Variants in DSC2 observed in about 807,000 individuals in gnomAD.
DSC2 encodes desmocollin-2.
DSC2 carries 51 observed loss-of-function variants against 87.6 expected under a neutral mutation model. The observed-to-expected ratio is 0.58, with a 90% CI of 0.46 to 0.74. The LOEUF is 0.74. Among genes scored for constraint, DSC2 ranks in the 30% least tolerant of loss-of-function variants. The pLI is 0.00. For missense variants in DSC2, 1,066 were observed against 1,089.5 expected (o/e 0.98, Z 0.30); for synonymous variants, 383 against 393.2 (o/e 0.97, Z 0.31).
rs139979318 is a variant in DSC2 at position 31,093,631 on chromosome 18, C to A, written c.82G>T (p.Ala28Ser). 2.0e-5 allele frequency: 31 copies of A among 1,583,336 alleles called. No homozygotes were observed. In the African/African-American group the frequency reaches 3.5e-4, roughly 18 times the overall value. ...GTCACATTTTTGCAGGCATCACTGGCAAATATTAAGATCTAAAAAATGAAA... is the reference window on the plus strand; with the variant it reads ...GTCACATTTTTGCAGGCATCACTGGAAAATATTAAGATCTAAAAAATGAAA... ...LLLTLAILIF[A>S]SDACKNVTLH... The change falls in exon 2 of 16, where the codon GCC becomes TCC. Residue 28 changes from alanine (A) to serine (S), a missense_variant. By Grantham distance (99) the Ala-to-Ser change is moderately conservative. Transcript: ENST00000280904.
intron 7 of DSC2, among the ~76,000 whole-genome samples, chr18:31,084,870 A>G (rs1361092049): frequency 6.6e-6 from 1 of 152,090 alleles, no homozygotes; most frequent in Non-Finnish European, 1.5e-5. Flanking sequence ...TATCAATGGA[A>G]GTAAAGAGGT....
intron 11 of DSC2, among the ~76,000 whole-genome samples, chr18:31,077,974 G>A (rs1019538610): frequency 6.6e-6 from 1 of 152,180 alleles, no homozygotes; most frequent in Non-Finnish European, 1.5e-5. Context: ...ATATGTTTAG[G>A]AGAGGGGAAG....
chr18:31,096,804 G>A (rs1379897124), intron 1 of DSC2, among the ~76,000 whole-genome samples: 4 of 152,090 alleles, frequency 2.6e-5, no homozygotes, highest in African/African-American at 7.2e-5. Context: ...GTCACTATAT[G>A]TAGTTTACAT....
At chr18:31,087,645 T>C in intron 6 of DSC2, 24 bp downstream of exon 6, 1 of 1,605,652 alleles carries the variant, frequency 6.2e-7, no homozygotes, top group Non-Finnish European at 8.5e-7. Context: ...TAATTTGCCA[T>C]ATATTGTTTA....
Position 31,070,725 on chromosome 18 carries a change from C to A in DSC2, c.2250+1G>T. 1 of 1,613,718 alleles carries A rather than the reference C, an allele frequency of 6.2e-7. No individual in the cohort carries two copies. Among genetic ancestry groups the A allele is most frequent in the Non-Finnish European group, 8.5e-7 (1 of 1,179,750 alleles). The stretch of plus-strand genomic sequence containing the variant: ...TTTATTTAAAAAGCCAGACTACTTA[C>A]CACTTTGTCATCTCCAGGAGCTTCT... On this transcript the variant is annotated splice_donor_variant, in intron 14 of 15. Coordinates refer to ENST00000280904, the MANE Select transcript of DSC2 (RefSeq NM_024422.6). LOFTEE classifies it high-confidence loss of function.
chr18:31,101,633 G>A (rs1987960383), intron 1 of DSC2: 3 of 442,244 alleles, frequency 6.8e-6, no homozygotes, highest in Non-Finnish European at 7.9e-6. Flanking sequence ...ATTTTGGCTG[G>A]GCGAAAGCGG....
intron 1 of DSC2, among the ~76,000 whole-genome samples, chr18:31,095,394 A>G (rs1031803745): frequency 6.6e-6 from 1 of 152,184 alleles, no homozygotes; most frequent in Non-Finnish European, 1.5e-5. Flanking sequence ...AAGAGAAGCA[A>G]CAGCCTGATG....
chr18:31,068,567 G>T (rs1206367861), intron 15 of DSC2, among the ~76,000 whole-genome samples: 1 of 152,142 alleles, frequency 6.6e-6, no homozygotes, highest in Non-Finnish European at 1.5e-5. Flanking sequence ...CATAGTGATA[G>T]TACATGCTGG....
intron 11 of DSC2, among the ~76,000 whole-genome samples, chr18:31,078,063 G>A (rs1442783161): frequency 6.6e-6 from 1 of 152,114 alleles, no homozygotes; most frequent in African/African-American, 2.4e-5. Flanking sequence ...TTTAAAAAGA[G>A]GAAGCAATTG....
intron 3 of DSC2, among the ~76,000 whole-genome samples, chr18:31,091,846 G>T (rs997537901): frequency 3.3e-5 from 5 of 152,002 alleles, no homozygotes; most frequent in African/African-American, 1.2e-4. Flanking sequence ...ATGCTGCTTT[G>T]TGTCTAATCT....
At chr18:31,069,977 C>A (rs1286594844) in intron 14 of DSC2, among the ~76,000 whole-genome samples, 1 of 151,982 alleles carries the variant, frequency 6.6e-6, no homozygotes, top group Non-Finnish European at 1.5e-5. Flanking sequence ...AACATTAAAC[C>A]CTTGCCATCT....
chr18:31,066,914 G>T lies in DSC2; in HGVS notation c.*1101C>A, dbSNP rs1375778533. ...CTTCACATTTTTAAACTGCATCCTT[G>T]CATTACAGAACTGTAAATGTGTTGT... On this transcript the variant is annotated 3_prime_UTR_variant, in exon 16 of 16. Coordinates refer to ENST00000280904, the MANE Select transcript of DSC2 (RefSeq NM_024422.6). 1.3e-5 allele frequency: 2 copies of T among 151,964 alleles called. No homozygotes were observed. The highest frequency in any genetic ancestry group is 4.8e-5 in the African/African-American group (2 of 41,382). The allele number at this position is 151,964 out of a possible 1,614,324, so 9.4% of individuals were successfully genotyped here. A position where few individuals can be genotyped will look rare whatever the true frequency, so the allele number is the denominator to read the frequency against.
intron 6 of DSC2, 76 bp downstream of exon 6, chr18:31,087,593 C>T: frequency 6.6e-7 from 1 of 1,516,132 alleles, no homozygotes; most frequent in South Asian, 1.1e-5. Flanking sequence ...CGCTGCTTCT[C>T]AACGGACATA....
rs1305923859 is a variant in DSC2, at chr18:31,067,153, C to T, written c.*862G>A. The T allele has an allele frequency of 1.3e-5, 2 of 149,068 alleles. No homozygotes were observed. Among genetic ancestry groups the T allele is most frequent in the Admixed American group, 1.3e-4 (2 of 14,888 alleles). The allele number at this position is 149,068 out of a possible 1,614,324, so 9.2% of individuals were successfully genotyped here. A position where few individuals can be genotyped will look rare whatever the true frequency, so the allele number is the denominator to read the frequency against. On this transcript the variant is annotated 3_prime_UTR_variant, in exon 16 of 16. Coordinates refer to ENST00000280904, the MANE Select transcript of DSC2 (RefSeq NM_024422.6). ...TCAAGAAAAACTAAGAATATATACACTTACATAAAACAAAAAAAAGGAATA... is the reference window on the plus strand; with the variant it reads ...TCAAGAAAAACTAAGAATATATACATTTACATAAAACAAAAAAAAGGAATA...
intron 2 of DSC2, among the ~76,000 whole-genome samples, chr18:31,092,910 T>C (rs1987648556): frequency 6.6e-6 from 1 of 152,218 alleles, no homozygotes; most frequent in African/African-American, 2.4e-5. Context: ...GTCTTTATCT[T>C]TTCTCTAAAG....
intron 7 of DSC2, among the ~76,000 whole-genome samples, chr18:31,085,402 G>GT: frequency 1.3e-5 from 2 of 151,826 alleles, no homozygotes; most frequent in Middle Eastern, 6.8e-3. Context: ...AAGAAAAAGT[G>GT]TAACAATTTT....
chr18:31,099,158 A>AT (rs1283957293), intron 1 of DSC2, among the ~76,000 whole-genome samples: 1 of 152,232 alleles, frequency 6.6e-6, no homozygotes, highest in African/African-American at 2.4e-5. Context: ...AGTAATATTA[A>AT]TTTAGTATAT....
rs900599003 is a variant in DSC2 at position 31,059,776 on chromosome 18, T to A, written c.*8239A>T. On this transcript the variant is annotated 3_prime_UTR_variant, in exon 16 of 16. Coordinates refer to ENST00000280904, the MANE Select transcript of DSC2 (RefSeq NM_024422.6). ...ATAATTTGGAAACCTATCCTAGTTT[T>A]AAAATACTACTATAGTTTATGTCTT... 1.3e-5 allele frequency: 2 copies of A among 152,228 alleles called. No individual in the cohort carries two copies. The highest frequency in any genetic ancestry group is 4.8e-5 in the African/African-American group (2 of 41,464). 9.4% of individuals were successfully genotyped at this position (152,228 alleles called of 1,614,324 possible).
chr18:31,080,610 C>T (rs1987187631), intron 9 of DSC2, among the ~76,000 whole-genome samples: 1 of 152,140 alleles, frequency 6.6e-6, no homozygotes, highest in South Asian at 2.1e-4. Context: ...CCCCACTGCT[C>T]ATGATAGTGA....
Sources: allele counts gnomAD v4.1 joint callset (sites outside exome capture counted in the v4.1 genomes callset), GRCh38; gene constraint gnomAD v4.1.1; transcripts MANE v1.5; gene names NCBI Gene and HGNC (gene_info 2026-07-23, HGNC 2026-07-21).